The following LIN54 variants were observed in gnomAD, a reference collection of about 807,000 sequenced individuals.
LIN54 encodes protein lin-54 homolog.
Under a neutral mutation model 78.7 loss-of-function variants are expected in LIN54, and 9 were observed. The observed-to-expected ratio is 0.11, with a 90% CI of 0.07 to 0.20. LIN54 has a LOEUF of 0.20. LIN54 is among the 10% of genes least tolerant of loss of function. LIN54 has a pLI of 1.00. For missense variants in LIN54, 573 were observed against 889.9 expected (o/e 0.64, Z 4.53); for synonymous variants, 269 against 318.4 (o/e 0.84, Z 1.65).
intron 5 of LIN54, among the ~76,000 whole-genome samples, chr4:82,941,177 G>A (rs967927977): frequency 7.4e-5 from 6 of 81,036 alleles, no homozygotes; most frequent in East Asian, 5.9e-4. Flanking sequence ...TATATATATC[G>A]TTGGCAGAGG....
At chr4:82,990,744 A>G (rs934240400) in intron 1 of LIN54, among the ~76,000 whole-genome samples, 7 of 152,050 alleles carry the variant, frequency 4.6e-5, no homozygotes, top group Non-Finnish European at 1.0e-4. Flanking sequence ...CCGCCTCCCA[A>G]AGTGCTAGGA....
chr4:82,971,518 A>AT (rs1318142121), intron 3 of LIN54, among the ~76,000 whole-genome samples: 2 of 150,286 alleles, frequency 1.3e-5, no homozygotes, highest in Non-Finnish European at 3.0e-5. Context: ...CAATTTTTAA[A>AT]TTTTTTTTAA....
At chr4:82,953,936 T>G (rs36007254) in intron 4 of LIN54, among the ~76,000 whole-genome samples, 27,975 of 151,710 alleles carry the variant, frequency 0.18, 2,753 homozygotes, top group South Asian at 0.32. Flanking sequence ...CAAGACCCCG[T>G]CTCAAAAACA....
At chr4:83,003,867 A>G (rs982333294) in intron 1 of LIN54, among the ~76,000 whole-genome samples, 2 of 152,178 alleles carry the variant, frequency 1.3e-5, no homozygotes, top group Non-Finnish European at 2.9e-5. Context: ...TTTCATTTCA[A>G]TAGTATTTTT....
chr4:82,967,034 C>T (rs1056651096), intron 4 of LIN54, among the ~76,000 whole-genome samples: 6 of 151,918 alleles, frequency 3.9e-5, no homozygotes, highest in Non-Finnish European at 8.8e-5. Flanking sequence ...TCGAGACCCT[C>T]CTGGACGACA....
At position 82,926,272 on chromosome 4, in the gene LIN54, AT is replaced by A. The variant is rs1391177071; in HGVS notation, c.*1829del. 5 of 152,530 alleles carry A rather than the reference AT, an allele frequency of 3.3e-5. No homozygotes were observed. The highest frequency in any genetic ancestry group is 1.2e-4 in the African/African-American group (5 of 41,426). The allele number at this position is 152,530 out of a possible 1,614,324, so 9.4% of individuals were successfully genotyped here. ...TCTTTTGAAAAATAACTTGATTATT[AT>A]TTTACCCTCTTACACTAATTTACAT... On this transcript the variant is annotated 3_prime_UTR_variant, in exon 13 of 13. Transcript: ENST00000340417.
upstream of LIN54, chr4:83,011,929 AG>A: frequency 1.7e-6 from 1 of 600,160 alleles, no homozygotes; most frequent in East Asian, 1.4e-4. Flanking sequence ...CTGAATTTCA[AG>A]GCTGCGAACA....
intron 4 of LIN54, among the ~76,000 whole-genome samples, chr4:82,956,554 G>T (rs866913994): frequency 4.5e-4 from 68 of 152,188 alleles, no homozygotes; most frequent in African/African-American, 1.5e-3. Context: ...AGTTAAGGCT[G>T]CAGTGAGCTG....
At chr4:82,963,038 C>T (rs909804606) in intron 4 of LIN54, among the ~76,000 whole-genome samples, 3 of 151,652 alleles carry the variant, frequency 2.0e-5, no homozygotes, top group Non-Finnish European at 4.4e-5. Flanking sequence ...AAACACACAA[C>T]GCACATTTAG....
intron 3 of LIN54, among the ~76,000 whole-genome samples, chr4:82,974,292 G>A (rs369170846): frequency 3.3e-5 from 5 of 152,148 alleles, no homozygotes; most frequent in South Asian, 2.1e-4. Flanking sequence ...GAAAGAGAAA[G>A]AGTGAGAGAA....
In LIN54 at chr4:82,931,131, A is replaced by G. The variant is rs1228631710; in HGVS notation, c.1860T>C (p.Cys620=). 1.9e-6 allele frequency: 3 copies of G among 1,614,060 alleles called. No homozygotes were observed. Among genetic ancestry groups the G allele is most frequent in the East Asian group, 4.5e-5 (2 of 44,874 alleles). ...AGCCAATACATTTGCATATTGAGGA[A>G]CACATTATTTTTGCCTAAAAGATTT... The part of the protein sequence containing the change: ...YCECYEAKIM[C]SSICKCIGCK... Residue 620 remains cysteine (C), a synonymous_variant, in exon 12 of 13, where the codon TGT becomes TGC. Transcript: ENST00000340417.
In LIN54 at chr4:82,938,495, A is replaced by G. The variant is rs1232908514; in HGVS notation, c.1450T>C (p.Ser484Pro). 2.5e-6 allele frequency: 4 copies of G among 1,594,430 alleles called. No homozygotes were observed. The South Asian group carries it at 4.4e-5, about 18-fold the overall frequency. The part of the protein sequence containing the change: ...PAQYVTQLQQ[S>P]SYVSIASNST... ...TTGCTTGCTATTGATACATATGAAG[A>G]CTGCTGTAGCTACATGTAAAGAAAA... The change falls in exon 8 of 13, where the codon TCT becomes CCT. Residue 484 changes from serine to proline, a missense_variant. By Grantham distance (74) the Ser-to-Pro change is moderately conservative. Around this residue, in one of 6 missense-constraint regions of LIN54, gnomAD observed 101 missense variants for 194.2 expected, o/e 0.52. Transcript: ENST00000340417.
chr4:82,997,615 G>A (rs1288080892), intron 1 of LIN54, among the ~76,000 whole-genome samples: 1 of 152,006 alleles, frequency 6.6e-6, no homozygotes, highest in Non-Finnish European at 1.5e-5. Flanking sequence ...GATTTTGGAG[G>A]CAGGGAGACC....
chr4:82,933,358 C>T (rs1359086772), intron 11 of LIN54, among the ~76,000 whole-genome samples: 1 of 149,728 alleles, frequency 6.7e-6, no homozygotes, highest in Admixed American at 6.6e-5. Context: ...TTTAGCTTGG[C>T]GAATTTAACT....
chr4:82,947,231 A>ATTTT (rs1390095473), intron 4 of LIN54, among the ~76,000 whole-genome samples: 18 of 13,950 alleles, frequency 1.3e-3, no homozygotes, highest in East Asian at 2.9e-3. Context: ...ATATATATAT[A>ATTTT]TATATTTTTT....
chr4:82,957,359 G>A (rs892801441), intron 4 of LIN54, among the ~76,000 whole-genome samples: 8 of 152,080 alleles, frequency 5.3e-5, no homozygotes, highest in African/African-American at 1.9e-4. Flanking sequence ...CACAGACATT[G>A]CCTAACTAAT....
intron 1 of LIN54, among the ~76,000 whole-genome samples, chr4:82,997,074 T>C (rs1187937816): frequency 2.0e-5 from 3 of 152,108 alleles, no homozygotes; most frequent in Non-Finnish European, 4.4e-5. Flanking sequence ...AACATATTTG[T>C]CTTCATCACT....
chr4:82,946,326 G>A lies in LIN54; in HGVS notation c.1100C>T (p.Thr367Ile). The change falls in exon 5 of 13, where the codon ACA becomes ATA. Residue 367 changes from threonine (T) to isoleucine (I), a missense_variant. By Grantham distance (89) the Thr-to-Ile change is moderately conservative. Transcript: ENST00000340417. ...KFHYVRLVTA[T>I]SASSSTQPVS... ...TGGCTGGGTTGAGCTACTGGCTGAT[G>A]TGGCAGTAACAAGTCGGACATAATG... is the stretch of plus-strand genomic sequence containing the variant. The A allele has an allele frequency of 3.1e-6, 5 of 1,614,192 alleles. No homozygotes were observed. The highest frequency in any genetic ancestry group is 4.2e-6 in the Non-Finnish European group (5 of 1,180,000).
At chr4:82,998,796 A>C (rs963400293) in intron 1 of LIN54, among the ~76,000 whole-genome samples, 3 of 152,108 alleles carry the variant, frequency 2.0e-5, no homozygotes, top group African/African-American at 7.2e-5. Context: ...ACCTAGAAAT[A>C]TCAAAAAAAT....
Sources: allele counts gnomAD v4.1 joint callset (sites outside exome capture counted in the v4.1 genomes callset), GRCh38; gene constraint gnomAD v4.1.1; regional missense constraint gnomAD v4.1.1; transcripts MANE v1.5; gene names NCBI Gene and HGNC (gene_info 2026-07-23, HGNC 2026-07-21).